ANK2: variants seen among roughly 807,000 people sequenced by gnomAD.
ANK2 encodes ankyrin 2, also known as ankyrin-2.
ANK2 carries 83 observed loss-of-function variants against 360.5 expected under a neutral mutation model. That is an observed-to-expected ratio of 0.23 (90% CI 0.19 to 0.28). The LOEUF is 0.28. Among genes scored for constraint, ANK2 ranks in the 10% least tolerant of loss-of-function variants. The pLI, the probability that ANK2 is intolerant of heterozygous loss-of-function variation, is 1.00. For synonymous variants in ANK2, 1,740 were observed against 1,759.5 expected (o/e 0.99, Z 0.28); for missense variants, 4,201 against 4,795.7 (o/e 0.88, Z 3.66).
chr4:112,852,445 G>A (rs2065236477), intron 1 of ANK2, among the ~76,000 whole-genome samples: 1 of 152,148 alleles, frequency 6.6e-6, no homozygotes, highest in African/African-American at 2.4e-5. Flanking sequence ...TTATTTTGAA[G>A]GAATTCTTAT....
chr4:113,246,588 C>T (rs362500), intron 9 of ANK2, among the ~76,000 whole-genome samples: 8,328 of 151,202 alleles, frequency 0.055, 329 homozygotes, highest in African/African-American at 0.099. Flanking sequence ...GTGGTGATAC[C>T]GCATATTAGG....
At chr4:113,378,956 A>G (rs2097066617) in intron 45 of ANK2, among the ~76,000 whole-genome samples, 1 of 152,128 alleles carries the variant, frequency 6.6e-6, no homozygotes, top group Non-Finnish European at 1.5e-5. Context: ...CCAAGTTACA[A>G]TTGTGCTTCT....
rs144603824 is a variant in ANK2, at chr4:113,358,471, A to C, written c.9853A>C (p.Ile3285Leu). The C allele has an allele frequency of 9.6e-5, 155 of 1,614,010 alleles. No individual in the cohort carries two copies. The highest frequency in any genetic ancestry group is 1.2e-4 in the Non-Finnish European group (147 of 1,179,978). The change falls in exon 38 of 46, where the codon ATC becomes CTC. Residue 3285 changes from isoleucine (I) to leucine (L), a missense_variant. Physicochemically the swap from Ile to Leu is conservative, Grantham distance 5 (BLOSUM62 2). Transcript: ENST00000357077. Reference sequence around the variant, plus strand: ...TTCCCCAGAAGAACAGAAATCAGTAATCGAGATTCCTACTGCACCCATGGA... The same window carrying C: ...TTCCCCAGAAGAACAGAAATCAGTACTCGAGATTCCTACTGCACCCATGGA... ...DSSPEEQKSVIEIPTAPMENV... is the reference protein window; with the variant it reads ...DSSPEEQKSVLEIPTAPMENV...
chr4:113,152,182 T>C (rs1382867523), intron 1 of ANK2: 1 of 152,066 alleles, frequency 6.6e-6, no homozygotes, highest in Non-Finnish European at 1.5e-5. Context: ...AACCAAGTAT[T>C]TGTATTTACT....
intron 1 of ANK2, among the ~76,000 whole-genome samples, chr4:113,058,157 A>T (rs2071106093): frequency 1.3e-5 from 2 of 152,164 alleles, no homozygotes; most frequent in Non-Finnish European, 1.5e-5. Flanking sequence ...TACTTACAAA[A>T]TAAGCACAAT....
intron 2 of ANK2, among the ~76,000 whole-genome samples, chr4:113,185,040 CT>C (rs1249119616): frequency 5.3e-5 from 8 of 152,100 alleles, no homozygotes; most frequent in Admixed American, 3.9e-4. Flanking sequence ...TGAACTCATC[CT>C]TTTTTATGGC....
intron 2 of ANK2, among the ~76,000 whole-genome samples, chr4:112,950,955 G>A (rs1489181061): frequency 6.7e-6 from 1 of 149,390 alleles, no homozygotes; most frequent in Admixed American, 6.6e-5. Flanking sequence ...AGTGGCGGGC[G>A]CCTGTAGTCC....
intron 20 of ANK2, among the ~76,000 whole-genome samples, chr4:113,289,000 A>G (rs964015252): frequency 6.6e-6 from 1 of 152,174 alleles, no homozygotes; most frequent in East Asian, 1.9e-4. Context: ...TGATCCCAGC[A>G]GTTTCCCCAG....
chr4:112,952,673 C>T (rs1053417751), intron 2 of ANK2, among the ~76,000 whole-genome samples: 2 of 152,088 alleles, frequency 1.3e-5, no homozygotes, highest in African/African-American at 2.4e-5. Context: ...AAAGGATGAA[C>T]ATGTGAAATA....
At chr4:113,317,855 G>A in intron 25 of ANK2, 46 bp downstream of exon 25, 2 of 1,486,374 alleles carry the variant, frequency 1.3e-6, no homozygotes, top group South Asian at 1.2e-5. Flanking sequence ...GGAGAGCTTT[G>A]TAACATTATT....
At chr4:112,827,389 CT>C in intron 1 of ANK2, 1 of 1,376,070 alleles carries the variant, frequency 7.3e-7, no homozygotes, top group Non-Finnish European at 1.0e-6. Context: ...TCTCACAGCT[CT>C]TGCAGCTATT....
chr4:113,217,596 C>T (rs2099099880), intron 4 of ANK2, among the ~76,000 whole-genome samples: 1 of 152,164 alleles, frequency 6.6e-6, no homozygotes, highest in African/African-American at 2.4e-5. Flanking sequence ...AAGGGGTGCG[C>T]AACCTAGATC....
At chr4:112,899,424 A>G (rs1310806918) in intron 1 of ANK2, among the ~76,000 whole-genome samples, 2 of 152,182 alleles carry the variant, frequency 1.3e-5, no homozygotes, top group African/African-American at 2.4e-5. Flanking sequence ...ATGAACATGC[A>G]TATACAATTT....
chr4:112,979,665 G>T (rs1445796346), intron 2 of ANK2: 1 of 152,474 alleles, frequency 6.6e-6, no homozygotes, highest in African/African-American at 2.4e-5. Flanking sequence ...TTCACTGAGC[G>T]ACAGAACAGT....
chr4:112,737,260 T>A, the ANK2 span, among the ~76,000 whole-genome samples: 2 of 152,382 alleles, frequency 1.3e-5, no homozygotes, highest in East Asian at 3.9e-4. Context: ...GCTAACACTC[T>A]ATAATGCTTG....
intron 32 of ANK2, 90 bp downstream of exon 32, chr4:113,339,412 A>T: frequency 2.8e-6 from 3 of 1,075,544 alleles, no homozygotes; most frequent in Non-Finnish European, 4.3e-6. Flanking sequence ...TTATTGTTTA[A>T]AAGTTATTTT....
chr4:112,937,903 C>T (rs905377590), intron 2 of ANK2, among the ~76,000 whole-genome samples: 1 of 152,140 alleles, frequency 6.6e-6, no homozygotes, highest in African/African-American at 2.4e-5. Flanking sequence ...GTTATTCCAT[C>T]TTTTTATAAC....
chr4:112,779,483 C>T, the ANK2 span, among the ~76,000 whole-genome samples: 1,442 of 152,074 alleles, frequency 9.5e-3, 30 homozygotes, highest in African/African-American at 0.032. Context: ...TGCGCCACTG[C>T]ACTCCAGCCT....
intron 1 of ANK2, among the ~76,000 whole-genome samples, chr4:113,125,792 A>G (rs1176301740): frequency 6.6e-6 from 1 of 152,166 alleles, no homozygotes; most frequent in Admixed American, 6.6e-5. Context: ...CCTTTACCCA[A>G]GGAGCTCATA....
Sources: allele counts gnomAD v4.1 joint callset (sites outside exome capture counted in the v4.1 genomes callset), GRCh38; gene constraint gnomAD v4.1.1; transcripts MANE v1.5; gene names NCBI Gene and HGNC (gene_info 2026-07-23, HGNC 2026-07-21).